Variants in LHFPL6 observed in about 807,000 individuals in gnomAD.
The protein encoded by LHFPL6 is LHFPL tetraspan subfamily member 6, also known as LHFPL tetraspan subfamily member 6 protein.
A neutral mutation model predicts 20.6 loss-of-function variants in LHFPL6; 9 were observed. The ratio of observed to expected loss-of-function variants is 0.44; its 90% CI spans 0.26 to 0.76. The LOEUF (loss-of-function observed/expected upper bound fraction) is 0.76, where lower values mean the gene tolerates loss of function less well. Among genes scored for constraint, LHFPL6 ranks in the 30% least tolerant of loss-of-function variants. The pLI is 0.20. For missense variants in LHFPL6, 218 were observed against 253.5 expected, an observed-to-expected ratio of 0.86 and a Z score of 0.95; for synonymous variants, 105 against 98.7, an observed-to-expected ratio of 1.06 and a Z score of -0.38.
chr13:39,465,122 A>G (rs1872771797), intron 2 of LHFPL6, among the ~76,000 whole-genome samples: 1 of 152,240 alleles, frequency 6.6e-6, no homozygotes, highest in Non-Finnish European at 1.5e-5. Flanking sequence ...TGAAGATTTG[A>G]TCACCTGAGA....
chr13:39,587,930 A>C (rs1872501018), intron 2 of LHFPL6, among the ~76,000 whole-genome samples: 1 of 152,088 alleles, frequency 6.6e-6, no homozygotes, highest in Non-Finnish European at 1.5e-5. Flanking sequence ...CTGCACAAGG[A>C]AAAGCAAGAG....
intron 2 of LHFPL6, among the ~76,000 whole-genome samples, chr13:39,412,097 C>T (rs1259851677): frequency 1.3e-5 from 2 of 152,138 alleles, no homozygotes; most frequent in Admixed American, 1.3e-4. Context: ...GTAATGTGAG[C>T]TAGAAATAAA....
chr13:39,601,075 G>A lies in LHFPL6; in HGVS notation c.142C>T (p.Arg48Trp), dbSNP rs1440185312. Residue 48 changes from arginine (R) to tryptophan (W), a missense_variant, in exon 2 of 4, where the codon CGG becomes TGG. By Grantham distance (101) the Arg-to-Trp change is moderately radical (BLOSUM62 -3). Transcript: ENST00000379589. ...TCATGCACAGGATATGAGCACCTCC[G>A]GAAGGTACCGAAGGACACAGGCTTG... ...LGKPVSFGTF[R>W]RCSYPVHDES... is the part of the protein sequence containing the mutation. The A allele has an allele frequency of 6.2e-6, 10 of 1,614,070 alleles. No homozygotes were observed. The highest frequency in any genetic ancestry group is 8.5e-6 in the Non-Finnish European group (10 of 1,180,042).
intron 2 of LHFPL6, among the ~76,000 whole-genome samples, chr13:39,560,875 T>C (rs990164852): frequency 1.3e-5 from 2 of 152,094 alleles, no homozygotes; most frequent in South Asian, 2.1e-4. Context: ...GTTTGTCATG[T>C]CCACTATAAC....
intron 2 of LHFPL6, among the ~76,000 whole-genome samples, chr13:39,422,984 T>A (rs1022891749): frequency 6.6e-6 from 1 of 152,118 alleles, no homozygotes; most frequent in Non-Finnish European, 1.5e-5. Context: ...TCAGATCTCA[T>A]GAGAACTCAC....
At chr13:39,515,285 A>G (rs1168634215) in intron 2 of LHFPL6, among the ~76,000 whole-genome samples, 1 of 152,210 alleles carries the variant, frequency 6.6e-6, no homozygotes, top group Non-Finnish European at 1.5e-5. Context: ...CAGCTACTTC[A>G]GGTTTGCCAC....
chr13:39,531,391 A>G (rs914326634), intron 2 of LHFPL6, among the ~76,000 whole-genome samples: 4 of 152,138 alleles, frequency 2.6e-5, no homozygotes, highest in Non-Finnish European at 5.9e-5. Context: ...CTTTGGACAC[A>G]TAAAATTTTA....
At chr13:39,375,093 C>G (rs73173475) in intron 3 of LHFPL6, among the ~76,000 whole-genome samples, 7 of 152,320 alleles carry the variant, frequency 4.6e-5, no homozygotes, top group African/African-American at 7.2e-5. Context: ...ATAACATTAA[C>G]ATTTCACAAC....
intron 2 of LHFPL6, among the ~76,000 whole-genome samples, chr13:39,572,849 A>G (rs1023304802): frequency 2.6e-5 from 4 of 152,196 alleles, no homozygotes; most frequent in African/African-American, 9.7e-5. Context: ...ATACCAGTCA[A>G]TGACCATTAG....
At chr13:39,403,644 T>C (rs1871044521) in intron 2 of LHFPL6, among the ~76,000 whole-genome samples, 1 of 152,184 alleles carries the variant, frequency 6.6e-6, no homozygotes, top group South Asian at 2.1e-4. Context: ...AGCAGAAACT[T>C]TGCCAATAGC....
At chr13:39,506,867 T>C (rs74739815) in intron 2 of LHFPL6, among the ~76,000 whole-genome samples, 18 of 152,208 alleles carry the variant, frequency 1.2e-4, no homozygotes, top group Non-Finnish European at 2.1e-4. Flanking sequence ...AAACATGACA[T>C]TCCCTTATTA....
chr13:39,492,343 T>C (rs988811453), intron 2 of LHFPL6, among the ~76,000 whole-genome samples: 1 of 152,184 alleles, frequency 6.6e-6, no homozygotes, highest in African/African-American at 2.4e-5. Flanking sequence ...AAATAGGTAA[T>C]GTTATTTTTG....
intron 2 of LHFPL6, among the ~76,000 whole-genome samples, chr13:39,574,415 G>A (rs9548831): frequency 0.4 from 60,745 of 150,612 alleles, 12,774 homozygotes; most frequent in South Asian, 0.55. Context: ...CCCAAGAGGC[G>A]GAGCTTGCAG....
At chr13:39,457,197 A>G (rs557163347) in intron 2 of LHFPL6, among the ~76,000 whole-genome samples, 2 of 152,360 alleles carry the variant, frequency 1.3e-5, no homozygotes, top group Non-Finnish European at 2.9e-5. Flanking sequence ...ACAGTTAACA[A>G]AAATACAAGC....
At chr13:39,490,653 T>C (rs1415416330) in intron 2 of LHFPL6, among the ~76,000 whole-genome samples, 1 of 152,248 alleles carries the variant, frequency 6.6e-6, no homozygotes, top group Non-Finnish European at 1.5e-5. Flanking sequence ...ATTGCCACTA[T>C]GACATGTGAA....
At chr13:39,472,690 C>A (rs543056915) in intron 2 of LHFPL6, among the ~76,000 whole-genome samples, 11 of 152,030 alleles carry the variant, frequency 7.2e-5, no homozygotes, top group East Asian at 1.9e-4. Context: ...CTCACTGGAA[C>A]CTCCGCCTCC....
At chr13:39,414,804 C>G (rs901872423) in intron 2 of LHFPL6, among the ~76,000 whole-genome samples, 3 of 152,106 alleles carry the variant, frequency 2.0e-5, no homozygotes, top group African/African-American at 7.2e-5. Flanking sequence ...TTTCCTATGC[C>G]TGTTGGCATT....
At chr13:39,506,454 A>G (rs1869487453) in intron 2 of LHFPL6, among the ~76,000 whole-genome samples, 2 of 152,248 alleles carry the variant, frequency 1.3e-5, no homozygotes, top group Non-Finnish European at 2.9e-5. Flanking sequence ...CGCTCTTCTG[A>G]GCAGTGGAAA....
At chr13:39,379,351 CTTG>C (rs989610709) in intron 2 of LHFPL6, among the ~76,000 whole-genome samples, 66 of 152,278 alleles carry the variant, frequency 4.3e-4, no homozygotes, top group Middle Eastern at 6.8e-3. Context: ...AAAGTAAGAT[CTTG>C]TTGTGTCAAT....
Sources: gnomAD v4.1 joint callset for allele counts (sites outside exome capture counted in the v4.1 genomes callset) on GRCh38, gnomAD v4.1.1 for gene constraint, MANE v1.5 for transcripts, NCBI Gene and HGNC (gene_info 2026-07-23, HGNC 2026-07-21) for gene names.